The following RFTN1 variants were observed in gnomAD, a reference collection of about 807,000 sequenced individuals.
RFTN1 encodes the protein raftlin.
In RFTN1, 26 loss-of-function variants were observed where a neutral mutation model predicts 46.5. The ratio of observed to expected loss-of-function variants is 0.56; its 90% confidence interval spans 0.41 to 0.78. The LOEUF is 0.78. Among genes scored for constraint, RFTN1 ranks in the 30% least tolerant of loss-of-function variants. The pLI is 0.00. For missense variants in RFTN1, 693 were observed against 718.7 expected, an observed-to-expected ratio of 0.96 and a Z score of 0.41; for synonymous variants, 261 against 284.2, an observed-to-expected ratio of 0.92 and a Z score of 0.82.
At chr3:16,396,665 A>C (rs1418684708) in intron 4 of RFTN1, among the ~76,000 whole-genome samples, 1 of 152,224 alleles carries the variant, frequency 6.6e-6, no homozygotes, top group Non-Finnish European at 1.5e-5. Context: ...TGTTTGGGAC[A>C]GGAAGATTTG....
Position 16,509,351 on chromosome 3 carries a change from A to G in RFTN1, c.-9+4091T>C, listed in dbSNP as rs2076861943. Among the ~76,000 whole-genome samples, 1 of 152,184 alleles carries G rather than the reference A, an allele frequency of 6.6e-6. No homozygotes were observed. The highest frequency in any genetic ancestry group is 1.5e-5 in the Non-Finnish European group (1 of 68,038). ...CAGATTTTGCCTTCAAAAAACCAGA[A>G]TGTCACAGTCTCTTCCCTTAAGGTC... On this transcript the variant is annotated intron_variant, in intron 1 of 9. Coordinates refer to ENST00000334133, the MANE Select transcript of RFTN1 (RefSeq NM_015150.2). This position sits in a 1 kb window ranked among gnomAD's most constrained non-coding sequence, Gnocchi z 4.9.
chr3:16,462,741 A>T (rs907890573), intron 2 of RFTN1, among the ~76,000 whole-genome samples: 15 of 152,202 alleles, frequency 9.9e-5, no homozygotes, highest in Admixed American at 4.6e-4. Flanking sequence ...AAACCACCAC[A>T]TGTGTGGTAA....
Position 16,423,375 on chromosome 3 carries a change from A to C in RFTN1, c.332+10476T>G, listed in dbSNP as rs147076105. Among the ~76,000 whole-genome samples the C allele has an allele frequency of 2.7e-4, 41 of 152,252 alleles. 1 individual carries two copies. In the East Asian group the frequency reaches 7.9e-3, roughly 29 times the overall value. On this transcript the variant is annotated intron_variant, in intron 3 of 9. Transcript: ENST00000334133. ...CAATGTACAGGACAGTCCCACACACAATTGTCTGATCCAAAATGTCAATAG... is the reference window on the plus strand; with the variant it reads ...CAATGTACAGGACAGTCCCACACACCATTGTCTGATCCAAAATGTCAATAG...
chr3:16,392,559 T>G (rs1260682566), intron 4 of RFTN1, among the ~76,000 whole-genome samples: 1 of 151,672 alleles, frequency 6.6e-6, no homozygotes, highest in Non-Finnish European at 1.5e-5. Flanking sequence ...TTCCAGCTCA[T>G]AAAAAGTTTA....
rs564145518 is a variant in RFTN1 at position 16,499,316 on chromosome 3, G to A, written c.-8-5439C>T. ...GATGGCTTGACCAATAGAATATGAC[G>A]GAATAACACAGTTCCAGTTTCTGGA... is the stretch of plus-strand genomic sequence containing the variant. On this transcript the variant is annotated intron_variant, in intron 1 of 9. Coordinates refer to ENST00000334133, the MANE Select transcript of RFTN1 (RefSeq NM_015150.2). This position sits in a 1 kb window ranked among gnomAD's most constrained non-coding sequence, Gnocchi z 4.9. Among the ~76,000 whole-genome samples, 19 of 152,248 alleles carry A rather than the reference G, an allele frequency of 1.2e-4. No individual in the cohort carries two copies. The East Asian group carries it at 1.5e-3, about 12-fold the overall frequency.
chr3:16,435,107 A>G (rs563063651), intron 2 of RFTN1, among the ~76,000 whole-genome samples: 1 of 152,368 alleles, frequency 6.6e-6, no homozygotes, highest in Admixed American at 6.5e-5. Flanking sequence ...TACCTCCTAC[A>G]TTTATTTCCT....
intron 6 of RFTN1, among the ~76,000 whole-genome samples, chr3:16,368,311 G>T (rs543734812): frequency 6.6e-6 from 1 of 152,194 alleles, no homozygotes. Context: ...GGGCTTCCTT[G>T]TGTAGAGGGA....
intron 3 of RFTN1, among the ~76,000 whole-genome samples, chr3:16,430,112 T>TTG (rs2075356425): frequency 6.6e-6 from 1 of 152,118 alleles, no homozygotes; most frequent in South Asian, 2.1e-4. Context: ...CCGTTTTTTT[T>TTG]TTGTTGTTGT....
intron 7 of RFTN1, among the ~76,000 whole-genome samples, chr3:16,339,051 C>G (rs981727468): frequency 1.3e-5 from 2 of 152,216 alleles, no homozygotes; most frequent in Non-Finnish European, 2.9e-5. Context: ...ACTGTCCTAG[C>G]TAACAACGAA....
At position 16,422,835 on chromosome 3, in the gene RFTN1, G is replaced by A. The variant is rs1036866518; in HGVS notation, c.332+11016C>T. Among the ~76,000 whole-genome samples the A allele has an allele frequency of 2.0e-5, 3 of 152,054 alleles. No individual in the cohort carries two copies. Among genetic ancestry groups the A allele is most frequent in the Admixed American group, 6.6e-5 (1 of 15,264 alleles). ...TGGCAAAGTTAGGTTAACTTAATAA[G>A]TGCTCTTGGCAAAGGTGGCTACCTA... is the stretch of plus-strand genomic sequence containing the variant. On this transcript the variant is annotated intron_variant, in intron 3 of 9. Transcript: ENST00000334133. The surrounding 1 kb of genome is among the most constrained non-coding windows in gnomAD (Gnocchi z 4.6).
rs1341633049 is a variant in RFTN1, at chr3:16,384,761, CAAATA to C, written c.442-6664_442-6660del. Among the ~76,000 whole-genome samples the C allele has an allele frequency of 2.0e-5, 3 of 152,122 alleles. No homozygotes were observed. Among genetic ancestry groups the C allele is most frequent in the Non-Finnish European group, 4.4e-5 (3 of 68,024 alleles). On this transcript the variant is annotated intron_variant, in intron 4 of 9. Coordinates refer to ENST00000334133, the MANE Select transcript of RFTN1 (RefSeq NM_015150.2). This position sits in a 1 kb window ranked among gnomAD's most constrained non-coding sequence, Gnocchi z 4.7. ...GTGGCTATTTAAATTTAAATTAATT[CAAATA>C]AAATAAAATTTAAATATTCCTCTCC...
rs57431158 is a variant in RFTN1, at chr3:16,378,178, G to A, written c.442-76C>T. 4,119 of 1,295,252 alleles carry A rather than the reference G, an allele frequency of 3.2e-3. 87 individuals are homozygous for A. The African/African-American group carries it at 0.05, about 16-fold the overall frequency. 80.2% of individuals were successfully genotyped at this position (1,295,252 alleles called of 1,614,324 possible). ...AAGGGACACGTGCAGCGTGCAAAGC[G>A]CCTCCCCGAGGCCTGCGAGGCTGTT... is the stretch of plus-strand genomic sequence containing the variant. On this transcript the variant is annotated intron_variant, in intron 4 of 9. Coordinates refer to ENST00000334133, the MANE Select transcript of RFTN1 (RefSeq NM_015150.2).
rs1199469974 is a variant in RFTN1, at chr3:16,382,993, AAAC to A, written c.442-4894_442-4892del. On this transcript the variant is annotated intron_variant, in intron 4 of 9. Coordinates refer to ENST00000334133, the MANE Select transcript of RFTN1 (RefSeq NM_015150.2). The surrounding 1 kb of genome is among the most constrained non-coding windows in gnomAD (Gnocchi z 4.7). ...CATCTCTAACAACAGCGATTACAGGAAACAGCAACTATTAACATTGCACAGCTC... is the reference window on the plus strand; with the variant it reads ...CATCTCTAACAACAGCGATTACAGGAAGCAACTATTAACATTGCACAGCTC... Among the ~76,000 whole-genome samples, 1 of 152,226 alleles carries A rather than the reference AAAC, an allele frequency of 6.6e-6. No individual in the cohort carries two copies. The highest frequency in any genetic ancestry group is 6.5e-5 in the Admixed American group (1 of 15,278).
Position 16,404,510 on chromosome 3 carries a change from A to C in RFTN1, c.441+4865T>G, listed in dbSNP as rs2074802224. ...TACATCTTTACAGTAAACCCGCCTGACTCACTAGAGCTCGCCAGACTAAGG... is the reference window on the plus strand; with the variant it reads ...TACATCTTTACAGTAAACCCGCCTGCCTCACTAGAGCTCGCCAGACTAAGG... On this transcript the variant is annotated intron_variant, in intron 4 of 9. Coordinates refer to ENST00000334133, the MANE Select transcript of RFTN1 (RefSeq NM_015150.2). 3.4e-5 allele frequency among the ~76,000 whole-genome samples: 5 copies of C among 146,406 alleles called. 1 individual carries two copies. Among genetic ancestry groups the C allele is most frequent in the Admixed American group, 1.4e-4 (2 of 13,898 alleles).
rs1467397209 is a variant in RFTN1 at position 16,484,046 on chromosome 3, G to A, written c.145+9679C>T. Among the ~76,000 whole-genome samples, 2 of 152,188 alleles carry A rather than the reference G, an allele frequency of 1.3e-5. No homozygotes were observed. Among genetic ancestry groups the A allele is most frequent in the Non-Finnish European group, 2.9e-5 (2 of 68,034 alleles). ...TGACATTATTTTAGATGAGGCCATG[G>A]AACTGGCCTATCATCTCCCTTCACG... is the stretch of plus-strand genomic sequence containing the variant. On this transcript the variant is annotated intron_variant, in intron 2 of 9. Transcript: ENST00000334133. This position sits in a 1 kb window ranked among gnomAD's most constrained non-coding sequence, Gnocchi z 4.6.
chr3:16,388,740 T>C (rs939286222), intron 4 of RFTN1, among the ~76,000 whole-genome samples: 2 of 152,170 alleles, frequency 1.3e-5, no homozygotes, highest in African/African-American at 2.4e-5. Flanking sequence ...AGGTAAAAAA[T>C]GCCTCATAAT....
chr3:16,433,030 T>C lies in RFTN1; in HGVS notation c.332+821A>G, dbSNP rs116939374. ...CAAGGAGGAGCTGCTCTGTACTCCCTTTTTAAAATGTGGCACATGCTGTCA... is the reference window on the plus strand; with the variant it reads ...CAAGGAGGAGCTGCTCTGTACTCCCCTTTTAAAATGTGGCACATGCTGTCA... On this transcript the variant is annotated intron_variant, in intron 3 of 9. Transcript: ENST00000334133. The surrounding 1 kb of genome is among the most constrained non-coding windows in gnomAD (Gnocchi z 4.4). 1.4e-3 allele frequency among the ~76,000 whole-genome samples: 206 copies of C among 152,336 alleles called. 2 individuals carry two copies. The East Asian group carries it at 0.033, about 25-fold the overall frequency.
intron 5 of RFTN1, among the ~76,000 whole-genome samples, chr3:16,372,111 C>T (rs1429420720): frequency 6.6e-6 from 1 of 152,116 alleles, no homozygotes; most frequent in East Asian, 1.9e-4. Context: ...CGAAAGCAGA[C>T]CCTGCAAGCT....
chr3:16,439,858 C>T (rs1365054346), intron 2 of RFTN1, among the ~76,000 whole-genome samples: 6 of 152,084 alleles, frequency 3.9e-5, no homozygotes, highest in Admixed American at 3.9e-4. Context: ...GAGATGCCTG[C>T]CCAGCGGTGG....
Sources: gnomAD v4.1 joint callset for allele counts (sites outside exome capture counted in the v4.1 genomes callset) on GRCh38, gnomAD v4.1.1 for gene constraint, Gnocchi (gnomAD v3.1) non-coding constraint, MANE v1.5 for transcripts, NCBI Gene and HGNC (gene_info 2026-07-23, HGNC 2026-07-21) for gene names.